ATXN2: variants seen among roughly 807,000 people sequenced by gnomAD.
ATXN2 encodes the protein ataxin 2.
A neutral mutation model predicts 138.6 loss-of-function variants in ATXN2; 37 were observed. The ratio of observed to expected loss-of-function variants is 0.27; its 90% CI spans 0.21 to 0.35. ATXN2 has a LOEUF of 0.35. Among genes scored for constraint, ATXN2 ranks in the 10% least tolerant of loss-of-function variants. The pLI is 1.00. For missense variants in ATXN2, 1,216 were observed against 1,480.3 expected, an observed-to-expected ratio of 0.82 and a Z score of 2.93; for synonymous variants, 549 against 543.7, an observed-to-expected ratio of 1.01 and a Z score of -0.13.
At chr12:111,463,668 G>C (rs1268789658) in intron 21 of ATXN2, among the ~76,000 whole-genome samples, 1 of 152,154 alleles carries the variant, frequency 6.6e-6, no homozygotes, top group Non-Finnish European at 1.5e-5. Flanking sequence ...CTCCATGAAG[G>C]AGCAACTATT....
At chr12:111,495,032 G>A (rs1020517591) in intron 14 of ATXN2, among the ~76,000 whole-genome samples, 2 of 152,120 alleles carry the variant, frequency 1.3e-5, no homozygotes, top group African/African-American at 4.8e-5. Flanking sequence ...AAGGCTGGGT[G>A]CGGTGGCTCA....
In ATXN2 at chr12:111,519,900, T is replaced by G. The variant is rs1160161211; in HGVS notation, c.965A>C (p.Glu322Ala). The G allele has an allele frequency of 6.2e-7, 1 of 1,614,196 alleles. No individual in the cohort carries two copies. Among genetic ancestry groups the G allele is most frequent in the Non-Finnish European group, 8.5e-7 (1 of 1,180,022 alleles). The change falls in exon 8 of 25, where the codon GAG (glutamate) becomes GCG (alanine). Residue 322 changes from glutamate (E) to alanine (A), a missense_variant. Glu to Ala is a moderately radical substitution (Grantham distance 107). Coordinates refer to ENST00000673436, the MANE Select transcript of ATXN2 (RefSeq NM_001372574.1). Reference sequence around the variant, plus strand: ...ATACCTAGTGTTTATGCTGTGCCCCTCACGTTCACTGGAATTTCTCTGAAC... The same window carrying G: ...ATACCTAGTGTTTATGCTGTGCCCCGCACGTTCACTGGAATTTCTCTGAAC... ...TAVQRNSSER[E>A]GHSINTRENK...
At chr12:111,575,113 T>C (rs1394430934) in intron 1 of ATXN2, among the ~76,000 whole-genome samples, 2 of 152,196 alleles carry the variant, frequency 1.3e-5, no homozygotes, top group African/African-American at 4.8e-5. Context: ...AATCAATTTT[T>C]CAAGCTGAGG....
At chr12:111,460,153 C>T (rs1231028219) in intron 21 of ATXN2, among the ~76,000 whole-genome samples, 1 of 152,246 alleles carries the variant, frequency 6.6e-6, no homozygotes, top group Admixed American at 6.5e-5. Context: ...GTGATATCAG[C>T]TCACCGCAAC....
intron 15 of ATXN2, among the ~76,000 whole-genome samples, chr12:111,488,263 A>C (rs1877768367): frequency 6.6e-6 from 1 of 152,162 alleles, no homozygotes; most frequent in African/African-American, 2.4e-5. Flanking sequence ...CTGGGGTACA[A>C]AAAAGGGGAA....
At chr12:111,594,098 TA>T (rs1325040389) in intron 1 of ATXN2, among the ~76,000 whole-genome samples, 1 of 152,278 alleles carries the variant, frequency 6.6e-6, no homozygotes, top group East Asian at 1.9e-4. Context: ...CTATTATACA[TA>T]GGCTGGTAAT....
intron 2 of ATXN2, among the ~76,000 whole-genome samples, chr12:111,555,085 G>A (rs775712094): frequency 2.6e-5 from 4 of 151,912 alleles, no homozygotes; most frequent in South Asian, 2.1e-4. Flanking sequence ...CTTCATGTCC[G>A]GTTCAATTTC....
chr12:111,536,302 C>A (rs1191219676), intron 5 of ATXN2, among the ~76,000 whole-genome samples: 3 of 152,022 alleles, frequency 2.0e-5, no homozygotes, highest in African/African-American at 7.2e-5. Context: ...ACTGTTAAAT[C>A]TTTTGGTACA....
Position 111,598,978 on chromosome 12 carries a change from T to TTGCTGC in ATXN2, c.51_56dup (p.Gln27_Gln28dup), listed in dbSNP as rs193922927. The TTGCTGC allele has an allele frequency of 1.2e-4, 154 of 1,292,820 alleles. No homozygotes were observed. Among genetic ancestry groups the TTGCTGC allele is most frequent in the Non-Finnish European group, 1.4e-4 (139 of 974,742 alleles). 80.1% of individuals were successfully genotyped at this position (1,292,820 alleles called of 1,614,324 possible). The stretch of plus-strand genomic sequence containing the variant: ...GCTGCTGCTGCTGCTGCTGCTGCTG[T>TTGCTGC]TGCTGCTGCTGCTGCTGCTGCTGCT... On this transcript the variant is annotated inframe_insertion, in exon 1 of 25. Transcript: ENST00000673436. The surrounding 1 kb of genome is among the most constrained non-coding windows in gnomAD (Gnocchi z 4.5).
intron 1 of ATXN2, chr12:111,581,499 C>T: frequency 9.7e-7 from 1 of 1,027,528 alleles, no homozygotes; most frequent in Non-Finnish European, 1.5e-6. Flanking sequence ...CCTGCTCCCC[C>T]AATGTCCACC....
chr12:111,464,247 G>GGTGTGTGTGT (rs57717176), intron 21 of ATXN2, among the ~76,000 whole-genome samples: 1,795 of 134,624 alleles, frequency 0.013, 30 homozygotes, highest in African/African-American at 0.039. Flanking sequence ...TGTGGCTTGG[G>GGTGTGTGTGT]GTGTGTGTGT....
intron 1 of ATXN2, among the ~76,000 whole-genome samples, chr12:111,568,629 CCTTT>C (rs1184827031): frequency 1.3e-5 from 2 of 152,194 alleles, no homozygotes; most frequent in Admixed American, 6.5e-5. Context: ...CATGGCTGCC[CCTTT>C]CTTGTTAGTT....
intron 1 of ATXN2, among the ~76,000 whole-genome samples, chr12:111,589,495 G>A (rs1040314887): frequency 4.6e-5 from 7 of 152,196 alleles, no homozygotes; most frequent in Admixed American, 3.3e-4. Context: ...AAAAAAGCTA[G>A]GCGCAGTGGC....
intron 18 of ATXN2, among the ~76,000 whole-genome samples, chr12:111,482,426 C>A (rs1341672374): frequency 2.0e-5 from 3 of 151,676 alleles, no homozygotes; most frequent in African/African-American, 7.3e-5. Context: ...GATCTCCTGA[C>A]CTCGTGATCT....
rs1875065808 is a variant in ATXN2, at chr12:111,456,059, G to C, written c.3240C>G (p.Thr1080=). 1 of 1,614,078 alleles carries C rather than the reference G, an allele frequency of 6.2e-7. No individual in the cohort carries two copies. The highest frequency in any genetic ancestry group is 8.5e-7 in the Non-Finnish European group (1 of 1,180,048). The stretch of plus-strand genomic sequence containing the variant: ...GTACGTGGGCCATGTGGGGTGGGTT[G>C]GTATACGCCGGCTGAACGTGAGAAG... The part of the protein sequence containing the change: ...IHPSHVQPAY[T]NPPHMAHVPQ... Residue 1080 remains threonine (T), a synonymous_variant, in exon 23 of 25, where the codon ACC becomes ACG. Transcript: ENST00000673436.
intron 1 of ATXN2, among the ~76,000 whole-genome samples, chr12:111,570,436 A>G (rs1351609471): frequency 6.6e-6 from 1 of 152,214 alleles, no homozygotes; most frequent in Admixed American, 6.5e-5. Context: ...AAACCTTATT[A>G]GCGTTTACTT....
intron 18 of ATXN2, among the ~76,000 whole-genome samples, chr12:111,478,595 C>T (rs1876993163): frequency 6.6e-6 from 1 of 152,140 alleles, no homozygotes; most frequent in Non-Finnish European, 1.5e-5. Context: ...AAAGATAACA[C>T]AATACCAAGT....
At chr12:111,510,270 A>C (rs1879426222) in intron 12 of ATXN2, 115 bp downstream of exon 12, 6 of 1,155,374 alleles carry the variant, frequency 5.2e-6, no homozygotes, top group Non-Finnish European at 4.9e-6. Flanking sequence ...TTAAATGTGC[A>C]CTAAAAATAC....
chr12:111,520,766 A>C, intron 7 of ATXN2, 116 bp downstream of exon 7: 1 of 614,912 alleles, frequency 1.6e-6, no homozygotes, highest in Non-Finnish European at 2.6e-6. Flanking sequence ...ATAAGAGAAA[A>C]ATTATTTCAT....
Sources: gnomAD v4.1 joint callset for allele counts (sites outside exome capture counted in the v4.1 genomes callset) on GRCh38, gnomAD v4.1.1 for gene constraint, Gnocchi (gnomAD v3.1) non-coding constraint, MANE v1.5 for transcripts, NCBI Gene and HGNC (gene_info 2026-07-23, HGNC 2026-07-21) for gene names.